The following PCDH15 variants were observed in gnomAD, a reference collection of about 807,000 sequenced individuals.
The protein encoded by PCDH15 is protocadherin related 15, also known as protocadherin-15.
PCDH15 carries 129 observed loss-of-function variants against 178.5 expected under a neutral mutation model. The ratio of observed to expected loss-of-function variants is 0.72; its 90% CI spans 0.63 to 0.84. The LOEUF is 0.84. PCDH15 is among the 40% of genes least tolerant of loss of function. The probability of loss-of-function intolerance (pLI) is 0.00; values close to 1 mark genes in which losing one functional copy is unlikely to be tolerated. For missense variants in PCDH15, 2,230 were observed against 2,099.9 expected (o/e 1.06, Z -1.21); for synonymous variants, 800 against 732.0 (o/e 1.09, Z -1.50).
At chr10:54,737,606 C>G (rs1437349578) in intron 1 of PCDH15, among the ~76,000 whole-genome samples, 1 of 152,014 alleles carries the variant, frequency 6.6e-6, no homozygotes, top group Non-Finnish European at 1.5e-5. Context: ...TTAGTGAAAA[C>G]AGCTGTGTGA....
intron 17 of PCDH15, among the ~76,000 whole-genome samples, chr10:54,074,935 A>T (rs558863335): frequency 3.9e-5 from 6 of 152,230 alleles, no homozygotes; most frequent in Admixed American, 6.5e-5. Context: ...GTGGCACCTC[A>T]TTGTGGCCTT....
chr10:53,970,587 T>TA (rs780256652), intron 21 of PCDH15, among the ~76,000 whole-genome samples: 6 of 151,146 alleles, frequency 4.0e-5, no homozygotes, highest in Admixed American at 1.3e-4. Context: ...ATAGACACAA[T>TA]AAAAAATGAT....
At chr10:55,201,749 A>C (rs1485114373) in intron 1 of PCDH15, among the ~76,000 whole-genome samples, 4 of 152,220 alleles carry the variant, frequency 2.6e-5, no homozygotes, top group African/African-American at 9.7e-5. Flanking sequence ...ATTCACTTGG[A>C]AGAGCTCCCT....
At chr10:54,470,337 G>A (rs921688709) in intron 3 of PCDH15, among the ~76,000 whole-genome samples, 1 of 152,166 alleles carries the variant, frequency 6.6e-6, no homozygotes, top group Non-Finnish European at 1.5e-5. Context: ...AGGTTGCTGG[G>A]TCACTGTCAG....
At chr10:54,399,188 T>C (rs1488100223) in intron 3 of PCDH15, among the ~76,000 whole-genome samples, 1 of 152,030 alleles carries the variant, frequency 6.6e-6, no homozygotes, top group Non-Finnish European at 1.5e-5. Context: ...CAGCCAAAAC[T>C]ATGCTACCTA....
chr10:54,419,234 A>T (rs1028561982), intron 3 of PCDH15, among the ~76,000 whole-genome samples: 12 of 101,816 alleles, frequency 1.2e-4, no homozygotes, highest in African/African-American at 5.3e-4. Flanking sequence ...ATACATATAC[A>T]TATATACATA....
chr10:54,378,256 T>A (rs897607212), intron 4 of PCDH15, among the ~76,000 whole-genome samples: 7 of 151,866 alleles, frequency 4.6e-5, no homozygotes, highest in South Asian at 2.1e-4. Flanking sequence ...TAAAAAAAAA[T>A]TTATGCTATC....
At chr10:54,511,596 A>G (rs967324817) in intron 3 of PCDH15, among the ~76,000 whole-genome samples, 4 of 152,194 alleles carry the variant, frequency 2.6e-5, no homozygotes, top group Non-Finnish European at 5.9e-5. Context: ...GATATATCAT[A>G]CGGTCACTTT....
chr10:54,594,178 T>C (rs1417228199), intron 2 of PCDH15, among the ~76,000 whole-genome samples: 2 of 152,098 alleles, frequency 1.3e-5, no homozygotes, highest in Non-Finnish European at 2.9e-5. Context: ...TCAGCCACCA[T>C]GGACACTTGA....
rs2094609486 is a variant in PCDH15, at chr10:54,092,149, C to T, written c.1918-2086G>A. Among the ~76,000 whole-genome samples the T allele has an allele frequency of 2.0e-5, 3 of 152,292 alleles. No individual in the cohort carries two copies. In the South Asian group the frequency reaches 6.2e-4, roughly 32 times the overall value. On this transcript the variant is annotated intron_variant, in intron 15 of 37. Coordinates refer to ENST00000644397, the MANE Select transcript of PCDH15 (RefSeq NM_001384140.1). The stretch of plus-strand genomic sequence containing the variant: ...AAGTACCTGCAACTCCATCCTCCTA[C>T]TTTCTCAGGGCTCATAGCTACACTT...
At chr10:54,810,214 G>A (rs965786834) in intron 3 of PCDH15, among the ~76,000 whole-genome samples, 2 of 152,108 alleles carry the variant, frequency 1.3e-5, no homozygotes, top group Admixed American at 1.3e-4. Flanking sequence ...AAGTGGGTCT[G>A]TGTGCAATGT....
At position 54,931,147 on chromosome 10, in the gene PCDH15, A is replaced by G. The variant is rs146794399; in HGVS notation, c.-79-33647T>C. On this transcript the variant is annotated intron_variant, in intron 2 of 5. Coordinates refer to the PCDH15 transcript ENST00000458638. ...TTATATCAAAACCACATTTCTGAGC[A>G]TTTGAAAACTGGCATGAAGAGTGAC... 6.1e-3 allele frequency among the ~76,000 whole-genome samples: 927 copies of G among 152,304 alleles called. 9 individuals are homozygous for G. The highest frequency in any genetic ancestry group is 0.021 in the African/African-American group (882 of 41,574).
At chr10:54,504,877 C>T (rs2081035518) in intron 3 of PCDH15, among the ~76,000 whole-genome samples, 1 of 151,792 alleles carries the variant, frequency 6.6e-6, no homozygotes, top group African/African-American at 2.4e-5. Flanking sequence ...TAGAATGTCA[C>T]CAACAATAAA....
intron 5 of PCDH15, among the ~76,000 whole-genome samples, chr10:54,367,436 T>G (rs1388697930): frequency 6.6e-6 from 1 of 152,142 alleles, no homozygotes; most frequent in Non-Finnish European, 1.5e-5. Context: ...ATAGGATGCT[T>G]TGAACTTCAA....
At chr10:55,470,551 G>T (rs1195078569) in intron 2 of PCDH15, among the ~76,000 whole-genome samples, 1 of 152,018 alleles carries the variant, frequency 6.6e-6, no homozygotes, top group Non-Finnish European at 1.5e-5. Context: ...GAGGTGTTAA[G>T]TTCATAGCAA....
At chr10:54,776,256 T>C (rs185274988) in intron 1 of PCDH15, among the ~76,000 whole-genome samples, 1 of 152,180 alleles carries the variant, frequency 6.6e-6, no homozygotes, top group Admixed American at 6.5e-5. Context: ...TTCTCTTCGA[T>C]GTACTGATTA....
chr10:53,904,881 CAT>C (rs2082567500), intron 25 of PCDH15, among the ~76,000 whole-genome samples: 1 of 152,100 alleles, frequency 6.6e-6, no homozygotes, highest in African/African-American at 2.4e-5. Context: ...CATTCAGAAA[CAT>C]ATACAATTCA....
At chr10:55,521,273 T>C (rs922050866) in intron 2 of PCDH15, among the ~76,000 whole-genome samples, 5 of 152,066 alleles carry the variant, frequency 3.3e-5, no homozygotes, top group Admixed American at 6.6e-5. Context: ...TTTGACTAAA[T>C]AATATGCACT....
At chr10:54,709,553 A>G (rs2095406517) in intron 1 of PCDH15, among the ~76,000 whole-genome samples, 1 of 147,604 alleles carries the variant, frequency 6.8e-6, no homozygotes, top group Admixed American at 6.8e-5. Flanking sequence ...TGGCACAAGG[A>G]AACAAGGAAA....
Sources: allele counts gnomAD v4.1 joint callset (sites outside exome capture counted in the v4.1 genomes callset), GRCh38; gene constraint gnomAD v4.1.1; transcripts MANE v1.5; gene names NCBI Gene and HGNC (gene_info 2026-07-23, HGNC 2026-07-21).